Variants in BIN1 observed in about 807,000 individuals in gnomAD.
BIN1 encodes bridging integrator 1.
A neutral mutation model predicts 82.0 loss-of-function variants in BIN1; 53 were observed. The observed-to-expected ratio is 0.65, with a 90% CI of 0.52 to 0.81. BIN1 has a LOEUF of 0.81. Ranked by LOEUF, BIN1 falls within the 40% of genes least tolerant of loss-of-function variation. The pLI, the probability that BIN1 is intolerant of heterozygous loss-of-function variation, is 0.00. For synonymous variants in BIN1, 302 were observed against 328.0 expected (o/e 0.92, Z 0.86); for missense variants, 642 against 784.4 (o/e 0.82, Z 2.17).
At chr2:127,078,235 A>G (rs1329722927) in intron 1 of BIN1, among the ~76,000 whole-genome samples, 4 of 151,444 alleles carry the variant, frequency 2.6e-5, no homozygotes, top group Non-Finnish European at 5.9e-5. Context: ...GCTCTTGGCC[A>G]TCTCTCACCA....
rs772140121 is a variant in BIN1 at position 127,070,740 on chromosome 2, G to A, written c.220+22C>T. ...CACCCACCAGCTCTACACGGGCCAGGTGCGCTCTGCCTGCCTCCTACCTTT... is the reference window on the plus strand; with the variant it reads ...CACCCACCAGCTCTACACGGGCCAGATGCGCTCTGCCTGCCTCCTACCTTT... On this transcript the variant is annotated intron_variant, in intron 3 of 18. Coordinates refer to ENST00000316724, the MANE Select transcript of BIN1 (RefSeq NM_139343.3). 8 of 1,614,036 alleles carry A rather than the reference G, an allele frequency of 5.0e-6. No homozygotes were observed. In the Admixed American group the frequency reaches 6.7e-5, roughly 13 times the overall value.
rs942821370 is a variant in BIN1 at position 127,058,000 on chromosome 2, C to T, written c.1003-399G>A. Among the ~76,000 whole-genome samples the T allele has an allele frequency of 9.9e-5, 15 of 152,158 alleles. No individual in the cohort carries two copies. The highest frequency in any genetic ancestry group is 3.6e-4 in the African/African-American group (15 of 41,432). On this transcript the variant is annotated intron_variant, in intron 11 of 18. Transcript: ENST00000316724. This position sits in a 1 kb window ranked among gnomAD's most constrained non-coding sequence, Gnocchi z 5.0. ...AACAGTCGTTGAGAGACAGCCGGGCCCCAGCCTCCCCCTGCCCACCTCTCC... is the reference window on the plus strand; with the variant it reads ...AACAGTCGTTGAGAGACAGCCGGGCTCCAGCCTCCCCCTGCCCACCTCTCC...
At chr2:127,077,419 C>T (rs76523012) in intron 1 of BIN1, among the ~76,000 whole-genome samples, 4 of 152,220 alleles carry the variant, frequency 2.6e-5, no homozygotes, top group Non-Finnish European at 5.9e-5. Context: ...CTCAACCCCC[C>T]ACGATGAGTG....
chr2:127,082,713 C>T lies in BIN1; in HGVS notation c.85-6007G>A, dbSNP rs1186014368. On this transcript the variant is annotated intron_variant, in intron 1 of 18. Coordinates refer to ENST00000316724, the MANE Select transcript of BIN1 (RefSeq NM_139343.3). The surrounding 1 kb of genome is among the most constrained non-coding windows in gnomAD (Gnocchi z 6.1). ...CTCCTCCAAGCCCATCTCTCAAATG[C>T]GAGCTGTCCCTGCAACCAGACACAC... Among the ~76,000 whole-genome samples, 1 of 152,170 alleles carries T rather than the reference C, an allele frequency of 6.6e-6. No homozygotes were observed. The highest frequency in any genetic ancestry group is 1.9e-4 in the East Asian group (1 of 5,196).
intron 1 of BIN1, among the ~76,000 whole-genome samples, chr2:127,087,200 C>T (rs1292079102): frequency 6.6e-6 from 1 of 152,212 alleles, no homozygotes; most frequent in Non-Finnish European, 1.5e-5. Context: ...CCAGCCCGGC[C>T]GGCCCCTGGA....
rs1311393519 is a variant in BIN1 at position 127,067,789 on chromosome 2, A to C, written c.612+374T>G. ...ATCTCAGAGTTGTCATGTGGCTTGAAGGACAGGCATGGCAGTACAGGGGCC... is the reference window on the plus strand; with the variant it reads ...ATCTCAGAGTTGTCATGTGGCTTGACGGACAGGCATGGCAGTACAGGGGCC... On this transcript the variant is annotated intron_variant, in intron 7 of 18. Coordinates refer to ENST00000316724, the MANE Select transcript of BIN1 (RefSeq NM_139343.3). The surrounding 1 kb of genome is among the most constrained non-coding windows in gnomAD (Gnocchi z 4.7). Among the ~76,000 whole-genome samples, 2 of 152,184 alleles carry C rather than the reference A, an allele frequency of 1.3e-5. No homozygotes were observed. The highest frequency in any genetic ancestry group is 4.8e-5 in the African/African-American group (2 of 41,446).
rs1297981928 is a variant in BIN1 at position 127,068,126 on chromosome 2, A to G, written c.612+37T>C. On this transcript the variant is annotated intron_variant, in intron 7 of 18. Transcript: ENST00000316724. The surrounding 1 kb of genome is among the most constrained non-coding windows in gnomAD (Gnocchi z 4.9). ...CGAGAGGACAGGACGACAGACCGGA[A>G]GGCGCCAGCACGTGCAAGGTTAGAA... is the stretch of plus-strand genomic sequence containing the variant. The G allele has an allele frequency of 6.3e-7, 1 of 1,582,948 alleles. No individual in the cohort carries two copies. The highest frequency in any genetic ancestry group is 8.6e-7 in the Non-Finnish European group (1 of 1,156,940).
intron 1 of BIN1, among the ~76,000 whole-genome samples, chr2:127,098,799 A>G (rs1356164040): frequency 6.6e-6 from 1 of 152,242 alleles, no homozygotes; most frequent in East Asian, 1.9e-4. Context: ...TTTCTCTTAT[A>G]GGACAGGCCC....
In BIN1 at chr2:127,090,702, G is replaced by A. The variant is rs1024172042; in HGVS notation, c.85-13996C>T. Among the ~76,000 whole-genome samples the A allele has an allele frequency of 5.9e-5, 9 of 152,168 alleles. No homozygotes were observed. Among genetic ancestry groups the A allele is most frequent in the East Asian group, 1.9e-4 (1 of 5,182 alleles). ...CAGGGCACAGCTGTGGGTGGGGGGC[G>A]GTGGCAGCTCCCCAGCAGCCAGGGC... On this transcript the variant is annotated intron_variant, in intron 1 of 18. Coordinates refer to ENST00000316724, the MANE Select transcript of BIN1 (RefSeq NM_139343.3). This position sits in a 1 kb window ranked among gnomAD's most constrained non-coding sequence, Gnocchi z 6.4.
intron 1 of BIN1, among the ~76,000 whole-genome samples, chr2:127,081,580 G>A: frequency 6.6e-6 from 1 of 152,168 alleles, no homozygotes; most frequent in East Asian, 1.9e-4. Context: ...CCAGCCCAGG[G>A]GCCCAGGAGG....
At chr2:127,080,589 C>T (rs1687160118) in intron 1 of BIN1, among the ~76,000 whole-genome samples, 1 of 152,204 alleles carries the variant, frequency 6.6e-6, no homozygotes, top group Non-Finnish European at 1.5e-5. Flanking sequence ...AACTTGGCGG[C>T]GGACGAGACA....
At chr2:127,056,803 C>A (rs866962181) in intron 12 of BIN1, among the ~76,000 whole-genome samples, 2 of 152,228 alleles carry the variant, frequency 1.3e-5, no homozygotes, top group Admixed American at 6.5e-5. Flanking sequence ...TACTCCAGCC[C>A]GACCTCCACC....
At chr2:127,075,421 T>C (rs1407721414) in intron 2 of BIN1, among the ~76,000 whole-genome samples, 1 of 152,186 alleles carries the variant, frequency 6.6e-6, no homozygotes, top group Non-Finnish European at 1.5e-5. Context: ...GCCTCTATTC[T>C]GCAGGTGAGG....
At position 127,057,711 on chromosome 2, in the gene BIN1, TCCCACCCAGGCCACTGAG is replaced by T; in HGVS notation, c.1003-128_1003-111del. On this transcript the variant is annotated intron_variant, in intron 11 of 18. Coordinates refer to ENST00000316724, the MANE Select transcript of BIN1 (RefSeq NM_139343.3). This position sits in a 1 kb window ranked among gnomAD's most constrained non-coding sequence, Gnocchi z 5.0. Reference sequence around the variant, plus strand: ...CGGTTAGTCACACCTCAGGCCACAGTCCCACCCAGGCCACTGAGCAGGACGCAGCAAATGAAGAGTCAC... The same window carrying T: ...CGGTTAGTCACACCTCAGGCCACAGTCAGGACGCAGCAAATGAAGAGTCAC... The T allele has an allele frequency of 7.5e-7, 1 of 1,335,866 alleles. No homozygotes were observed. The highest frequency in any genetic ancestry group is 9.8e-7 in the Non-Finnish European group (1 of 1,018,208). The allele number at this position is 1,335,866 out of a possible 1,614,324, so 82.8% of individuals were successfully genotyped here.
At chr2:127,076,867 G>T (rs1376135906) in intron 1 of BIN1, among the ~76,000 whole-genome samples, 161 bp from the exon 2 acceptor site, 1 of 152,064 alleles carries the variant, frequency 6.6e-6, no homozygotes, top group East Asian at 1.9e-4. Flanking sequence ...CCAGGGCATG[G>T]CTGGGTCCAT....
chr2:127,074,428 G>A (rs1686332713), intron 2 of BIN1, among the ~76,000 whole-genome samples: 2 of 152,336 alleles, frequency 1.3e-5, no homozygotes, highest in South Asian at 4.1e-4. Flanking sequence ...CCCGGGGGCA[G>A]ACAGAGGCCC....
At position 127,048,192 on chromosome 2, in the gene BIN1, C is replaced by T. The variant is rs762741; in HGVS notation, c.*334G>A. ...GAAAAGAGGACCCTTGCCCGGGTGG[C>T]GCGGCCGAAGCTTCAGGCAAGCATG... On this transcript the variant is annotated 3_prime_UTR_variant, in exon 19 of 19. Transcript: ENST00000316724. 1.1e-5 allele frequency: 4 copies of T among 376,444 alleles called. No homozygotes were observed. The highest frequency in any genetic ancestry group is 4.8e-5 in the South Asian group (2 of 41,982). The allele number at this position is 376,444 out of a possible 1,614,324, so 23.3% of individuals were successfully genotyped here.
intron 1 of BIN1, among the ~76,000 whole-genome samples, chr2:127,085,770 C>A (rs1370188031): frequency 6.6e-6 from 1 of 152,204 alleles, no homozygotes; most frequent in Non-Finnish European, 1.5e-5. Context: ...CTGAGCCAGG[C>A]CTCAGCCCCC....
intron 14 of BIN1, chr2:127,052,957 C>T: frequency 3.6e-6 from 1 of 279,624 alleles, no homozygotes; most frequent in Non-Finnish European, 7.1e-6. Context: ...CTCAGCCACA[C>T]CCTGTCTTCC....
Sources: allele counts gnomAD v4.1 joint callset (sites outside exome capture counted in the v4.1 genomes callset), GRCh38; gene constraint gnomAD v4.1.1; non-coding constraint Gnocchi (gnomAD v3.1); transcripts MANE v1.5; gene names NCBI Gene and HGNC (gene_info 2026-07-23, HGNC 2026-07-21).